The following PCDHA2 variants were observed in gnomAD, a reference collection of about 807,000 sequenced individuals.
PCDHA2 encodes protocadherin alpha 2.
PCDHA2 carries 58 observed loss-of-function variants against 66.0 expected under a neutral mutation model. The observed-to-expected ratio is 0.88, with a 90% CI of 0.71 to 1.09. The LOEUF (loss-of-function observed/expected upper bound fraction) is 1.09. PCDHA2 is among the 50% of genes least tolerant of loss of function. PCDHA2 has a pLI of 0.00. For missense variants in PCDHA2, 1,267 were observed against 1,242.3 expected (o/e 1.02, Z -0.30); for synonymous variants, 634 against 554.0 (o/e 1.14, Z -2.03).
At position 140,796,416 on chromosome 5, in the gene PCDHA2, G is replaced by C; in HGVS notation, c.1452G>C (p.Ala484=). ...CGGTGTCAGCGTGGGATGCGGACGC[G>C]CAGGAGAACGCGCTGGTGTCCTACT... The part of the protein sequence containing the change: ...IFTVSAWDAD[A]QENALVSYSL... The change falls in exon 1 of 4, where the codon GCG becomes GCC. Residue 484 remains alanine, a synonymous_variant. Transcript: ENST00000526136. 1 of 1,613,912 alleles carries C rather than the reference G, an allele frequency of 6.2e-7. No individual in the cohort carries two copies.
intron 1 of PCDHA2, chr5:140,825,971 A>G (rs1768773443): frequency 1.3e-5 from 2 of 152,276 alleles, no homozygotes; most frequent in South Asian, 4.1e-4. Flanking sequence ...TTTTGAGGGG[A>G]AAAGTATGGA....
chr5:140,811,740 C>T (rs1264777389), intron 1 of PCDHA2: 1 of 152,194 alleles, frequency 6.6e-6, no homozygotes, highest in African/African-American at 2.4e-5. Context: ...TTGCATTTCT[C>T]TGATGACCAG....
intron 1 of PCDHA2, chr5:140,850,613 G>T: frequency 6.3e-7 from 1 of 1,598,580 alleles, no homozygotes; most frequent in South Asian, 1.1e-5. Flanking sequence ...CCATCTGCGC[G>T]GTGTCTAGCC....
Position 140,854,000 on chromosome 5 carries a change from C to T in PCDHA2, c.2388+56648C>T, listed in dbSNP as rs1437337577. 5 of 352,352 alleles carry T rather than the reference C, an allele frequency of 1.4e-5. No homozygotes were observed. The East Asian group carries it at 8.5e-4, about 60-fold the overall frequency. 21.8% of individuals were successfully genotyped at this position (352,352 alleles called of 1,614,324 possible). ...CCAATGTAGTGAGACTCATCTCTGC[C>T]AAAAAAAAAAAATTAGCCGGGCATG... On this transcript the variant is annotated intron_variant, in intron 1 of 3. Coordinates refer to ENST00000526136, the MANE Select transcript of PCDHA2 (RefSeq NM_018905.3).
intron 1 of PCDHA2, chr5:140,836,542 C>A (rs1554136059): frequency 6.2e-7 from 1 of 1,613,774 alleles, no homozygotes; most frequent in African/African-American, 1.3e-5. Context: ...CTGTACACGG[C>A]GTTGCGGTGC....
chr5:140,843,546 C>T (rs1562414778), intron 1 of PCDHA2: 1 of 1,595,752 alleles, frequency 6.3e-7, no homozygotes, highest in African/African-American at 1.3e-5. Context: ...CTGGTGTGCT[C>T]CAGTGCGGTG....
At chr5:140,972,453 G>A (rs2096536665) in intron 1 of PCDHA2, among the ~76,000 whole-genome samples, 3 of 151,360 alleles carry the variant, frequency 2.0e-5, no homozygotes, top group South Asian at 2.1e-4. Context: ...TTTTTCTCTT[G>A]TTGCTTATTA....
chr5:140,819,423 C>T (rs1376171246), intron 1 of PCDHA2, among the ~76,000 whole-genome samples: 2 of 152,120 alleles, frequency 1.3e-5, no homozygotes, highest in Non-Finnish European at 2.9e-5. Context: ...TAATATACTA[C>T]ACAGTTTTAA....
intron 1 of PCDHA2, among the ~76,000 whole-genome samples, chr5:140,962,457 G>T (rs1563323233): frequency 6.6e-6 from 1 of 151,950 alleles, no homozygotes; most frequent in Non-Finnish European, 1.5e-5. Flanking sequence ...AATCTCTTAT[G>T]GCTTGAATCT....
chr5:140,828,159 C>G lies in PCDHA2; in HGVS notation c.2388+30807C>G, dbSNP rs2150151568. On this transcript the variant is annotated intron_variant, in intron 1 of 3. Transcript: ENST00000526136. Reference sequence around the variant, plus strand: ...CTCCTCCCGCTTCTGCTCCTCGCAGCCTGGAAGGTGGGGAGCGGCCAGCTC... The same window carrying G: ...CTCCTCCCGCTTCTGCTCCTCGCAGGCTGGAAGGTGGGGAGCGGCCAGCTC... 4 of 1,614,180 alleles carry G rather than the reference C, an allele frequency of 2.5e-6. No individual in the cohort carries two copies.
At chr5:140,803,363 G>A in intron 1 of PCDHA2, 2 of 1,614,200 alleles carry the variant, frequency 1.2e-6, no homozygotes, top group Non-Finnish European at 1.7e-6. Context: ...CTGCTCTGCG[G>A]TGCTCCGCGC....
intron 3 of PCDHA2, among the ~76,000 whole-genome samples, chr5:140,994,812 A>G (rs565084284): frequency 6.6e-5 from 10 of 152,328 alleles, no homozygotes; most frequent in African/African-American, 2.2e-4. Flanking sequence ...CAAAATACAA[A>G]AAACTGAATT....
At chr5:140,916,463 G>A (rs934007072) in intron 1 of PCDHA2, among the ~76,000 whole-genome samples, 2 of 152,212 alleles carry the variant, frequency 1.3e-5, no homozygotes, top group African/African-American at 2.4e-5. Flanking sequence ...TATCACTGCT[G>A]GTTATTTGGT....
At chr5:140,968,324 T>C (rs781875050) in intron 1 of PCDHA2, 15 of 1,613,972 alleles carry the variant, frequency 9.3e-6, no homozygotes. Context: ...GCCAGTCACC[T>C]CCTATGTCTC....
chr5:140,903,124 T>C (rs1554190771), intron 1 of PCDHA2, among the ~76,000 whole-genome samples: 1 of 152,234 alleles, frequency 6.6e-6, no homozygotes, highest in Non-Finnish European at 1.5e-5. Context: ...TCTAAATCTT[T>C]AAGAAATCTC....
chr5:140,856,340 A>G (rs1554148561), intron 1 of PCDHA2: 1 of 1,598,438 alleles, frequency 6.3e-7, no homozygotes, highest in Non-Finnish European at 8.6e-7. Flanking sequence ...GTGCGGGCGG[A>G]GCGTGGAGTG....
chr5:140,827,741 T>G (rs949123681), intron 1 of PCDHA2, among the ~76,000 whole-genome samples: 4 of 152,220 alleles, frequency 2.6e-5, no homozygotes, highest in African/African-American at 9.6e-5. Context: ...TGTGAATAAT[T>G]AGATCCCTTA....
chr5:141,008,641 T>G (rs569373015), intron 3 of PCDHA2, among the ~76,000 whole-genome samples: 1 of 152,344 alleles, frequency 6.6e-6, no homozygotes, highest in Admixed American at 6.5e-5. Context: ...TAACAATTTC[T>G]TCTTCTGGAG....
rs1354537383 is a variant in PCDHA2 at position 140,982,283 on chromosome 5, A to G, written c.2448-192A>G. On this transcript the variant is annotated intron_variant, in intron 2 of 3. Coordinates refer to ENST00000526136, the MANE Select transcript of PCDHA2 (RefSeq NM_018905.3). The stretch of plus-strand genomic sequence containing the variant: ...TGTTCCTGGAATAGTATAGCAGGCA[A>G]TAAGTAAGTCAGCAATGCTTCTGCA... 1.7e-5 allele frequency: 18 copies of G among 1,044,438 alleles called. No homozygotes were observed. In the East Asian group the frequency reaches 2.7e-4, roughly 16 times the overall value. 64.7% of individuals were successfully genotyped at this position (1,044,438 alleles called of 1,614,324 possible).
Sources: allele counts gnomAD v4.1 joint callset (sites outside exome capture counted in the v4.1 genomes callset), GRCh38; gene constraint gnomAD v4.1.1; transcripts MANE v1.5; gene names NCBI Gene and HGNC (gene_info 2026-07-23, HGNC 2026-07-21).